KCNN2: variants seen among roughly 807,000 people sequenced by gnomAD.
The protein encoded by KCNN2 is potassium calcium-activated channel subfamily N member 2.
Under a neutral mutation model 55.5 loss-of-function variants are expected in KCNN2, and 24 were observed. The ratio of observed to expected loss-of-function variants is 0.43; its 90% confidence interval spans 0.31 to 0.61. The LOEUF is 0.61. KCNN2 is among the 20% of genes least tolerant of loss of function. KCNN2 has a pLI of 0.08. For synonymous variants in KCNN2, 431 were observed against 336.1 expected (o/e 1.28, Z -3.09); for missense variants, 754 against 853.6 (o/e 0.88, Z 1.45).
intron 2 of KCNN2, among the ~76,000 whole-genome samples, chr5:114,296,104 G>T (rs1313263820): frequency 6.6e-6 from 1 of 152,150 alleles, no homozygotes; most frequent in South Asian, 2.1e-4. Context: ...TTATCTGGTG[G>T]TCTAAAGAAC....
intron 3 of KCNN2, among the ~76,000 whole-genome samples, chr5:114,416,908 A>G (rs192933212): frequency 1.3e-5 from 2 of 152,312 alleles, no homozygotes; most frequent in Non-Finnish European, 2.9e-5. Flanking sequence ...TATCTTTTAT[A>G]TCAGTGATCA....
intron 1 of KCNN2, among the ~76,000 whole-genome samples, chr5:114,177,567 C>A (rs995123360): frequency 6.6e-6 from 1 of 151,418 alleles, no homozygotes; most frequent in South Asian, 2.1e-4. Flanking sequence ...TTGTTGGTGA[C>A]CTAAGGTAAA....
At chr5:114,119,762 G>A (rs1284297410) in intron 1 of KCNN2, among the ~76,000 whole-genome samples, 2 of 152,080 alleles carry the variant, frequency 1.3e-5, no homozygotes, top group Non-Finnish European at 2.9e-5. Context: ...TGATATTCTT[G>A]AAAGCTTTAG....
chr5:114,334,402 T>A (rs1194503501), intron 2 of KCNN2, among the ~76,000 whole-genome samples: 1 of 151,642 alleles, frequency 6.6e-6, no homozygotes, highest in Non-Finnish European at 1.5e-5. Flanking sequence ...TGGGGATAAG[T>A]CCAGTAGAAA....
At chr5:114,400,587 G>C (rs1054630403) in intron 2 of KCNN2, among the ~76,000 whole-genome samples, 6 of 152,146 alleles carry the variant, frequency 3.9e-5, no homozygotes, top group African/African-American at 1.2e-4. Flanking sequence ...GTCAACAAAG[G>C]CCTGCTTATC....
chr5:114,454,672 C>T (rs560517348), intron 3 of KCNN2, among the ~76,000 whole-genome samples: 15 of 152,306 alleles, frequency 9.8e-5, no homozygotes, highest in African/African-American at 3.1e-4. Flanking sequence ...TGGCTGGGCC[C>T]TAAGTCTCTG....
At chr5:114,060,394 G>A (rs995873711) in intron 1 of KCNN2, among the ~76,000 whole-genome samples, 2 of 152,204 alleles carry the variant, frequency 1.3e-5, no homozygotes, top group African/African-American at 4.8e-5. Context: ...ATTTACTGGT[G>A]TACCTTAGTG....
chr5:114,440,660 C>G (rs544576958), intron 3 of KCNN2, among the ~76,000 whole-genome samples: 4 of 126,036 alleles, frequency 3.2e-5, no homozygotes, highest in African/African-American at 1.3e-4. Flanking sequence ...CATGTACCTG[C>G]ACTACTCAGG....
At chr5:114,473,732 A>C (rs1219889648) in intron 5 of KCNN2, among the ~76,000 whole-genome samples, 1 of 152,188 alleles carries the variant, frequency 6.6e-6, no homozygotes, top group African/African-American at 2.4e-5. Flanking sequence ...CACAATGTTT[A>C]AGAGCACTTT....
chr5:114,321,816 C>T (rs576477584), intron 2 of KCNN2, among the ~76,000 whole-genome samples: 16 of 152,108 alleles, frequency 1.1e-4, no homozygotes, highest in Admixed American at 3.3e-4. Flanking sequence ...ATTACAGGCA[C>T]GTGCCACCAT....
At chr5:114,121,269 A>G (rs1751825723) in intron 1 of KCNN2, among the ~76,000 whole-genome samples, 1 of 152,140 alleles carries the variant, frequency 6.6e-6, no homozygotes, top group Admixed American at 6.5e-5. Context: ...CTGGTTTCAA[A>G]GGGTATCTTG....
intron 1 of KCNN2, among the ~76,000 whole-genome samples, chr5:114,154,469 ATT>A (rs1752590618): frequency 6.6e-6 from 1 of 152,112 alleles, no homozygotes; most frequent in African/African-American, 2.4e-5. Context: ...AGACCTCTGG[ATT>A]GATTTTATTA....
chr5:114,241,448 T>A (rs1014828688), intron 2 of KCNN2, among the ~76,000 whole-genome samples: 1 of 151,670 alleles, frequency 6.6e-6, no homozygotes, highest in African/African-American at 2.4e-5. Context: ...CAGGAGAATC[T>A]AAATAAATGG....
intron 3 of KCNN2, among the ~76,000 whole-genome samples, chr5:114,415,426 T>C (rs1304115761): frequency 6.6e-6 from 1 of 152,084 alleles, no homozygotes; most frequent in Non-Finnish European, 1.5e-5. Context: ...GTTGTGTGCG[T>C]GTGTGTGTGT....
At chr5:114,449,137 T>A (rs1223190076) in intron 3 of KCNN2, among the ~76,000 whole-genome samples, 2 of 152,164 alleles carry the variant, frequency 1.3e-5, no homozygotes, top group Non-Finnish European at 2.9e-5. Context: ...TCCCACTTTC[T>A]TCCTGGTTTC....
At chr5:114,147,539 G>A (rs1355669891) in intron 1 of KCNN2, among the ~76,000 whole-genome samples, 1 of 152,090 alleles carries the variant, frequency 6.6e-6, no homozygotes, top group African/African-American at 2.4e-5. Flanking sequence ...GTGGATGAAA[G>A]GAAAAACTAA....
At chr5:114,456,210 T>C in intron 3 of KCNN2, among the ~76,000 whole-genome samples, 1 of 152,178 alleles carries the variant, frequency 6.6e-6, no homozygotes, top group East Asian at 1.9e-4. Flanking sequence ...ATGCTGCTGG[T>C]GACTCTGAGT....
intron 1 of KCNN2, among the ~76,000 whole-genome samples, chr5:114,099,756 T>G (rs867225525): frequency 2.0e-5 from 3 of 152,146 alleles, no homozygotes; most frequent in African/African-American, 4.8e-5. Flanking sequence ...AGCCCTACTT[T>G]TCAAAAAGTT....
chr5:114,298,195 C>T (rs763450154), intron 2 of KCNN2, among the ~76,000 whole-genome samples: 2 of 152,204 alleles, frequency 1.3e-5, no homozygotes, highest in African/African-American at 4.8e-5. Flanking sequence ...AAAGAATACA[C>T]GTTCTTTAAT....
Sources: allele counts gnomAD v4.1 joint callset (sites outside exome capture counted in the v4.1 genomes callset), GRCh38; gene constraint gnomAD v4.1.1; transcripts MANE v1.5; gene names NCBI Gene and HGNC (gene_info 2026-07-23, HGNC 2026-07-21).